RANBP9: variants seen among roughly 807,000 people sequenced by gnomAD.
The protein encoded by RANBP9 is RAN binding protein 9, also known as ran-binding protein 9.
RANBP9 carries 15 observed loss-of-function variants against 84.3 expected under a neutral mutation model. That is an observed-to-expected ratio of 0.18 (90% CI 0.12 to 0.27). The LOEUF is 0.27. RANBP9 is among the 10% of genes least tolerant of loss of function. The pLI is 1.00. For synonymous variants in RANBP9, 392 were observed against 349.6 expected (o/e 1.12, Z -1.35); for missense variants, 809 against 912.8 (o/e 0.89, Z 1.46).
rs982981511 is a variant in RANBP9, at chr6:13,632,432, C to T, written c.1885G>A (p.Ala629Thr). Residue 629 changes from alanine (A) to threonine (T), a missense_variant, in exon 12 of 14, where the codon GCA becomes ACA. Physicochemically the swap from Ala to Thr is moderately conservative, Grantham distance 58 (BLOSUM62 0). Around this residue, in one of 5 missense-constraint regions of RANBP9, gnomAD observed 233 missense variants for 234.4 expected, o/e 0.99. Coordinates refer to ENST00000011619, the MANE Select transcript of RANBP9 (RefSeq NM_005493.3). The part of the protein sequence containing the change: ...RMIHFGRELQ[A>T]MSEQLRRDCG... ...TCTCTCCTTAGCTGTTCACTCATTG[C>T]TTGCAGCTCTCGTCCAAAGTGGATC... 5 of 1,614,004 alleles carry T rather than the reference C, an allele frequency of 3.1e-6. No homozygotes were observed. The highest frequency in any genetic ancestry group is 3.4e-6 in the Non-Finnish European group (4 of 1,179,928).
At chr6:13,635,826 A>G (rs1301414892) in intron 10 of RANBP9, among the ~76,000 whole-genome samples, 1 of 146,220 alleles carries the variant, frequency 6.8e-6, no homozygotes, top group Non-Finnish European at 1.5e-5. Context: ...TTTTTTTTTG[A>G]TAACTCAGTT....
intron 2 of RANBP9, among the ~76,000 whole-genome samples, chr6:13,694,412 C>G (rs1360579304): frequency 6.6e-6 from 1 of 152,164 alleles, no homozygotes; most frequent in Non-Finnish European, 1.5e-5. Context: ...AGGCTACAAA[C>G]TATATGATTC....
intron 11 of RANBP9, 42 bp downstream of exon 11, chr6:13,634,389 C>T (rs200122159): frequency 1.7e-5 from 27 of 1,597,462 alleles, no homozygotes; most frequent in Admixed American, 1.5e-4. Flanking sequence ...AACCTTGTAG[C>T]CATCATTTTT....
At chr6:13,661,902 G>A (rs1047874293) in intron 2 of RANBP9, among the ~76,000 whole-genome samples, 2 of 152,084 alleles carry the variant, frequency 1.3e-5, no homozygotes, top group African/African-American at 2.4e-5. Context: ...AACTGATGAC[G>A]AAAAACAATG....
chr6:13,708,854 A>G (rs955825163), intron 1 of RANBP9, among the ~76,000 whole-genome samples: 2 of 151,264 alleles, frequency 1.3e-5, no homozygotes, highest in African/African-American at 4.9e-5. Context: ...CACAGTCTAC[A>G]GTAACAAGAC....
intron 2 of RANBP9, among the ~76,000 whole-genome samples, chr6:13,666,097 T>C (rs1326129254): frequency 6.6e-6 from 1 of 152,074 alleles, no homozygotes; most frequent in East Asian, 1.9e-4. Context: ...ACTTAAGATG[T>C]GTGCATTTCA....
chr6:13,680,695 G>A (rs937131412), intron 2 of RANBP9, among the ~76,000 whole-genome samples: 3 of 151,834 alleles, frequency 2.0e-5, no homozygotes, highest in Admixed American at 6.6e-5. Context: ...GGTTGAGGCT[G>A]CAGTGAGCCA....
rs371525899 is a variant in RANBP9 at position 13,649,901 on chromosome 6, C to T, written c.927+2758G>A. 5.9e-5 allele frequency among the ~76,000 whole-genome samples: 9 copies of T among 152,278 alleles called. No individual in the cohort carries two copies. The East Asian group carries it at 1.2e-3, about 20-fold the overall frequency. ...CCAACGACCTCTACTCTGCTAAGTA[C>T]AATTGTCAATTCTCAGACCTTATGT... On this transcript the variant is annotated intron_variant, in intron 5 of 13. Transcript: ENST00000011619.
chr6:13,656,546 A>C (rs1355564256), intron 4 of RANBP9, among the ~76,000 whole-genome samples: 1 of 152,116 alleles, frequency 6.6e-6, no homozygotes, highest in Non-Finnish European at 1.5e-5. Context: ...TCCATAACCT[A>C]TTTTATTTTC....
intron 2 of RANBP9, among the ~76,000 whole-genome samples, chr6:13,694,426 T>G (rs1465463740): frequency 2.0e-5 from 3 of 152,196 alleles, no homozygotes; most frequent in Non-Finnish European, 4.4e-5. Flanking sequence ...ATGATTCCAT[T>G]TATATGCCAT....
intron 2 of RANBP9, among the ~76,000 whole-genome samples, chr6:13,696,039 T>C (rs771339880): frequency 2.0e-5 from 3 of 151,250 alleles, no homozygotes; most frequent in Non-Finnish European, 4.4e-5. Context: ...GGAAATACTA[T>C]AGGATAGATC....
At chr6:13,685,623 A>G (rs1766154384) in intron 2 of RANBP9, among the ~76,000 whole-genome samples, 1 of 152,040 alleles carries the variant, frequency 6.6e-6, no homozygotes, top group Non-Finnish European at 1.5e-5. Flanking sequence ...CACAGGATGT[A>G]AAAACCTGTA....
chr6:13,643,473 A>T (rs1347632322), intron 6 of RANBP9, among the ~76,000 whole-genome samples: 2 of 152,156 alleles, frequency 1.3e-5, no homozygotes, highest in Admixed American at 1.3e-4. Context: ...CAAAGAGCGG[A>T]GGGAGAAAAG....
chr6:13,627,005 G>A (rs1262331542), intron 12 of RANBP9, among the ~76,000 whole-genome samples: 2 of 152,144 alleles, frequency 1.3e-5, no homozygotes, highest in African/African-American at 2.4e-5. Flanking sequence ...GTGCCTCTAC[G>A]CAAACACACA....
At chr6:13,684,227 C>T (rs1766113248) in intron 2 of RANBP9, among the ~76,000 whole-genome samples, 1 of 152,192 alleles carries the variant, frequency 6.6e-6, no homozygotes, top group South Asian at 2.1e-4. Flanking sequence ...AAAAAAGCCT[C>T]TCTGATAAAG....
At chr6:13,642,212 T>A (rs1765082088) in intron 7 of RANBP9, among the ~76,000 whole-genome samples, 1 of 152,106 alleles carries the variant, frequency 6.6e-6, no homozygotes, top group Non-Finnish European at 1.5e-5. Context: ...TCCTGAAAGC[T>A]TAAGAAAACA....
At chr6:13,685,592 A>C (rs1463455159) in intron 2 of RANBP9, among the ~76,000 whole-genome samples, 2 of 151,984 alleles carry the variant, frequency 1.3e-5, no homozygotes, top group African/African-American at 4.8e-5. Flanking sequence ...CCCCAAAAAT[A>C]CTAAATAAAT....
intron 2 of RANBP9, among the ~76,000 whole-genome samples, chr6:13,696,228 CCATA>C (rs1402054625): frequency 6.6e-6 from 1 of 152,006 alleles, no homozygotes; most frequent in Non-Finnish European, 1.5e-5. Flanking sequence ...ATTCTGATAC[CCATA>C]CAAACCACAC....
intron 5 of RANBP9, among the ~76,000 whole-genome samples, chr6:13,647,800 A>C (rs1765205753): frequency 6.6e-6 from 1 of 152,200 alleles, no homozygotes; most frequent in African/African-American, 2.4e-5. Context: ...GTTTTGGCTC[A>C]CTGAAAAGTA....
Sources: allele counts gnomAD v4.1 joint callset (sites outside exome capture counted in the v4.1 genomes callset), GRCh38; gene constraint gnomAD v4.1.1; regional missense constraint gnomAD v4.1.1; transcripts MANE v1.5; gene names NCBI Gene and HGNC (gene_info 2026-07-23, HGNC 2026-07-21).